Variants in PPM1E observed in about 807,000 individuals in gnomAD.
PPM1E encodes protein phosphatase 1E.
In PPM1E, 20 loss-of-function variants were observed where a neutral mutation model predicts 65.9. The ratio of observed to expected loss-of-function variants is 0.30; its 90% CI spans 0.21 to 0.44. The LOEUF (loss-of-function observed/expected upper bound fraction) is 0.44, where lower values mean the gene tolerates loss of function less well. PPM1E is among the 20% of genes least tolerant of loss of function. The pLI, the probability that PPM1E is intolerant of heterozygous loss-of-function variation, is 1.00. For missense variants in PPM1E, 713 were observed against 953.1 expected, an observed-to-expected ratio of 0.75 and a Z score of 3.32; for synonymous variants, 352 against 374.9, an observed-to-expected ratio of 0.94 and a Z score of 0.70.
chr17:58,960,781 AG>A (rs1291649387), intron 2 of PPM1E, among the ~76,000 whole-genome samples: 8 of 151,386 alleles, frequency 5.3e-5, no homozygotes, highest in South Asian at 4.2e-4. Context: ...AAAAAAAAAA[AG>A]AAAAATAATT....
At chr17:58,950,923 C>T (rs1010959257) in intron 1 of PPM1E, among the ~76,000 whole-genome samples, 21 of 151,864 alleles carry the variant, frequency 1.4e-4, no homozygotes, top group African/African-American at 3.1e-4. Context: ...GGACTACAGG[C>T]GCCCGCCACC....
chr17:58,875,344 A>T (rs1598623033), intron 1 of PPM1E, among the ~76,000 whole-genome samples: 2 of 152,204 alleles, frequency 1.3e-5, no homozygotes, highest in East Asian at 3.8e-4. Context: ...ACTTTGAGAA[A>T]TGTGTAAAAA....
chr17:58,947,268 G>C (rs1160562952), intron 1 of PPM1E, among the ~76,000 whole-genome samples: 8 of 103,224 alleles, frequency 7.8e-5, no homozygotes, highest in Non-Finnish European at 3.6e-5. Flanking sequence ...AGACAGTCTT[G>C]CTTTATCACC....
intron 1 of PPM1E, among the ~76,000 whole-genome samples, chr17:58,830,508 A>G (rs1408964485): frequency 6.6e-6 from 1 of 151,660 alleles, no homozygotes; most frequent in Non-Finnish European, 1.5e-5. Flanking sequence ...GGGTTTCACC[A>G]TGTTAGCCAG....
rs1236195804 is a variant in PPM1E at position 58,980,980 on chromosome 17, G to A, written c.2217G>A (p.Lys739=). ...GTGAAAACATGAGGAAGCTCAGAAA[G>A]ACTCATGATATTCCATGCCCAGATC... ...GYSENMRKLR[K]THDIPCPDLP... is the part of the protein sequence containing the mutation. Residue 739 remains lysine, a synonymous_variant, in exon 7 of 7, where the codon AAG becomes AAA. Transcript: ENST00000308249. This position sits in a 1 kb window ranked among gnomAD's most constrained non-coding sequence, Gnocchi z 4.7. 1.9e-6 allele frequency: 3 copies of A among 1,613,892 alleles called. No homozygotes were observed. Among genetic ancestry groups the A allele is most frequent in the East Asian group, 2.2e-5 (1 of 44,882 alleles).
At chr17:58,971,459 T>C (rs944956256) in intron 4 of PPM1E, among the ~76,000 whole-genome samples, 6 of 152,206 alleles carry the variant, frequency 3.9e-5, no homozygotes, top group African/African-American at 1.4e-4. Context: ...CCAAGAGCTT[T>C]AAGTACAGTC....
intron 1 of PPM1E, among the ~76,000 whole-genome samples, chr17:58,772,453 T>TA (rs879480951): frequency 5.9e-4 from 83 of 139,678 alleles, no homozygotes; most frequent in Admixed American, 1.2e-3. Context: ...AGACTCCATC[T>TA]AAAAAAAAAA....
intron 6 of PPM1E, among the ~76,000 whole-genome samples, chr17:58,973,644 A>T (rs945676284): frequency 4.0e-5 from 6 of 151,346 alleles, no homozygotes; most frequent in Non-Finnish European, 5.9e-5. Flanking sequence ...TTCATCTCTT[A>T]AAAAAACAAA....
intron 1 of PPM1E, among the ~76,000 whole-genome samples, chr17:58,891,222 T>A (rs2051340458): frequency 6.6e-6 from 1 of 152,214 alleles, no homozygotes; most frequent in Admixed American, 6.5e-5. Context: ...TGCCTTGGCC[T>A]CCCAAAGTTT....
chr17:58,854,803 A>G (rs2050864949), intron 1 of PPM1E, among the ~76,000 whole-genome samples: 2 of 152,154 alleles, frequency 1.3e-5, no homozygotes, highest in African/African-American at 4.8e-5. Context: ...TTCTGTTTCT[A>G]GTATTTTGTC....
intron 1 of PPM1E, among the ~76,000 whole-genome samples, chr17:58,784,001 G>A (rs143303996): frequency 1.0e-4 from 15 of 150,320 alleles, no homozygotes; most frequent in African/African-American, 2.2e-4. Flanking sequence ...GTGAGCCACC[G>A]TGCCCGGCCT....
At chr17:58,916,154 A>C (rs1355413877) in intron 1 of PPM1E, among the ~76,000 whole-genome samples, 1 of 152,208 alleles carries the variant, frequency 6.6e-6, no homozygotes, top group African/African-American at 2.4e-5. Flanking sequence ...TAGATTTTAA[A>C]GGCCATTAAA....
chr17:58,928,904 A>C (rs529333228), intron 1 of PPM1E, among the ~76,000 whole-genome samples: 9 of 151,862 alleles, frequency 5.9e-5, no homozygotes, highest in Non-Finnish European at 1.2e-4. Context: ...AGGTTTCATC[A>C]TGTTGGCCAG....
intron 6 of PPM1E, among the ~76,000 whole-genome samples, chr17:58,974,633 T>G (rs915566765): frequency 1.2e-4 from 18 of 152,226 alleles, no homozygotes; most frequent in African/African-American, 4.3e-4. Flanking sequence ...ATGGGTGATA[T>G]GTACATTACA....
chr17:58,859,253 C>T (rs1177058206), intron 1 of PPM1E, among the ~76,000 whole-genome samples: 1 of 152,160 alleles, frequency 6.6e-6, no homozygotes, highest in African/African-American at 2.4e-5. Context: ...AGGGGATCTT[C>T]TCTCTGGTGC....
At chr17:58,969,023 T>C (rs564086245) in intron 3 of PPM1E, among the ~76,000 whole-genome samples, 8 of 152,358 alleles carry the variant, frequency 5.3e-5, no homozygotes, top group Admixed American at 5.2e-4. Flanking sequence ...TTTAGAAGTA[T>C]GTTTATGCTT....
intron 1 of PPM1E, among the ~76,000 whole-genome samples, chr17:58,908,652 C>A (rs1462072890): frequency 6.6e-6 from 1 of 151,302 alleles, no homozygotes; most frequent in Non-Finnish European, 1.5e-5. Context: ...GTTGGCCAGG[C>A]TGGTCTTGAA....
intron 1 of PPM1E, among the ~76,000 whole-genome samples, chr17:58,820,682 T>G (rs555124512): frequency 6.6e-6 from 1 of 152,292 alleles, no homozygotes; most frequent in African/African-American, 2.4e-5. Flanking sequence ...TCAATGACTA[T>G]TATTTCATTA....
At chr17:58,955,899 G>A (rs928217321) in intron 2 of PPM1E, 132 bp downstream of exon 2, 2 of 971,316 alleles carry the variant, frequency 2.1e-6, no homozygotes, top group Non-Finnish European at 2.8e-6. Context: ...GGTAGCAGGG[G>A]AGAAAAAATG....
Sources: allele counts gnomAD v4.1 joint callset (sites outside exome capture counted in the v4.1 genomes callset), GRCh38; gene constraint gnomAD v4.1.1; non-coding constraint Gnocchi (gnomAD v3.1); transcripts MANE v1.5; gene names NCBI Gene and HGNC (gene_info 2026-07-23, HGNC 2026-07-21).